MVB12B: variants seen among roughly 807,000 people sequenced by gnomAD.
The protein encoded by MVB12B is multivesicular body subunit 12B.
In MVB12B, 16 loss-of-function variants were observed where a neutral mutation model predicts 41.6. The observed-to-expected ratio is 0.38, with a 90% confidence interval of 0.26 to 0.58. The LOEUF (loss-of-function observed/expected upper bound fraction) is 0.58, where lower values mean the gene tolerates loss of function less well. Ranked by LOEUF, MVB12B falls within the 20% of genes least tolerant of loss-of-function variation. The probability of loss-of-function intolerance (pLI) is 0.62; values close to 1 mark genes in which losing one functional copy is unlikely to be tolerated. For missense variants in MVB12B, 274 were observed against 380.2 expected, an observed-to-expected ratio of 0.72 and a Z score of 2.32; for synonymous variants, 133 against 139.7, an observed-to-expected ratio of 0.95 and a Z score of 0.34.
intron 7 of MVB12B, among the ~76,000 whole-genome samples, chr9:126,443,103 T>A (rs192325151): frequency 6.0e-4 from 92 of 152,336 alleles, no homozygotes; most frequent in Admixed American, 3.9e-3. Context: ...CAAGAGTTTG[T>A]GTCCTCCTGG....
At chr9:126,426,785 G>C (rs1832190933) in intron 7 of MVB12B, 1 of 152,212 alleles carries the variant, frequency 6.6e-6, no homozygotes, top group South Asian at 2.1e-4. Flanking sequence ...GAGGCAGAGG[G>C]CTGTCCTTTA....
chr9:126,391,089 G>A lies in MVB12B; in HGVS notation c.410-977G>A, dbSNP rs190030760. Among the ~76,000 whole-genome samples, 23 of 152,314 alleles carry A rather than the reference G, an allele frequency of 1.5e-4. No homozygotes were observed. The highest frequency in any genetic ancestry group is 2.6e-4 in the Non-Finnish European group (18 of 68,020). On this transcript the variant is annotated intron_variant, in intron 4 of 9. Transcript: ENST00000361171. This position sits in a 1 kb window ranked among gnomAD's most constrained non-coding sequence, Gnocchi z 4.4. ...CAGAGGATGGCAGTTGGGGAACTGT[G>A]TGACCGAGGTCCTGGGCCGACGCCA... is the stretch of plus-strand genomic sequence containing the variant.
chr9:126,490,339 C>A (rs910103141), intron 9 of MVB12B, among the ~76,000 whole-genome samples: 1 of 152,212 alleles, frequency 6.6e-6, no homozygotes, highest in Non-Finnish European at 1.5e-5. Flanking sequence ...CAGGAGGCAG[C>A]AGCCTTGGGT....
chr9:126,410,685 A>T (rs1831619797), intron 6 of MVB12B, among the ~76,000 whole-genome samples: 1 of 151,998 alleles, frequency 6.6e-6, no homozygotes, highest in African/African-American at 2.4e-5. Flanking sequence ...TCCGTTGCCC[A>T]TCCTTGGCTT....
chr9:126,495,818 A>G (rs1482503206), intron 9 of MVB12B, among the ~76,000 whole-genome samples: 2 of 152,210 alleles, frequency 1.3e-5, no homozygotes, highest in Non-Finnish European at 2.9e-5. Flanking sequence ...GTTTATGACT[A>G]TTGTGAAACA....
intron 3 of MVB12B, among the ~76,000 whole-genome samples, chr9:126,383,076 G>A (rs1426084911): frequency 6.6e-5 from 10 of 152,174 alleles, no homozygotes; most frequent in Admixed American, 3.9e-4. Context: ...CCAAACGATC[G>A]AGTACCAGCA....
intron 7 of MVB12B, among the ~76,000 whole-genome samples, chr9:126,426,134 G>T (rs1374355303): frequency 6.6e-6 from 1 of 152,188 alleles, no homozygotes; most frequent in African/African-American, 2.4e-5. Flanking sequence ...GGCAGAGTTA[G>T]GTGTGTGCAG....
At chr9:126,501,014 G>A (rs910621240) in intron 9 of MVB12B, among the ~76,000 whole-genome samples, 4 of 152,252 alleles carry the variant, frequency 2.6e-5, no homozygotes, top group Non-Finnish European at 5.9e-5. Context: ...GCCAGCCAGG[G>A]AATGAATTTG....
At chr9:126,444,629 T>C (rs1415805970) in intron 7 of MVB12B, among the ~76,000 whole-genome samples, 1 of 152,232 alleles carries the variant, frequency 6.6e-6, no homozygotes, top group Non-Finnish European at 1.5e-5. Flanking sequence ...CTTTGTACTT[T>C]CATTTCATGT....
chr9:126,327,710 C>T (rs1017174093), intron 1 of MVB12B, among the ~76,000 whole-genome samples: 1 of 152,172 alleles, frequency 6.6e-6, no homozygotes, highest in African/African-American at 2.4e-5. Flanking sequence ...GACCCAAGAG[C>T]ATCTTTTGTC....
chr9:126,334,693 G>A (rs1829227308), intron 1 of MVB12B, among the ~76,000 whole-genome samples: 1 of 152,162 alleles, frequency 6.6e-6, no homozygotes, highest in Non-Finnish European at 1.5e-5. Context: ...GCACCACCCA[G>A]CAAAACCTGA....
intron 3 of MVB12B, among the ~76,000 whole-genome samples, chr9:126,385,210 T>C (rs760943179): frequency 5.9e-5 from 9 of 152,108 alleles, no homozygotes; most frequent in Non-Finnish European, 1.3e-4. Flanking sequence ...CAGCAAGTAG[T>C]TACTGAGCAC....
intron 1 of MVB12B, among the ~76,000 whole-genome samples, chr9:126,329,463 A>T (rs1829068136): frequency 6.6e-6 from 1 of 152,126 alleles, no homozygotes; most frequent in Admixed American, 6.5e-5. Flanking sequence ...AGAATACAAG[A>T]ATATCCTGTG....
intron 7 of MVB12B, among the ~76,000 whole-genome samples, chr9:126,446,109 G>A (rs1057503672): frequency 6.6e-6 from 1 of 151,766 alleles, no homozygotes; most frequent in African/African-American, 2.4e-5. Flanking sequence ...GGGCTTGATT[G>A]TATTAAAGGA....
intron 6 of MVB12B, chr9:126,408,130 A>G (rs1342154260): frequency 6.6e-6 from 1 of 152,252 alleles, no homozygotes. Context: ...TAGTGGAAAC[A>G]GTATTTAAGG....
At chr9:126,388,369 C>T (rs10819154) in intron 4 of MVB12B, among the ~76,000 whole-genome samples, 48,281 of 151,770 alleles carry the variant, frequency 0.32, 7,856 homozygotes, top group South Asian at 0.42. Flanking sequence ...TAGATCATTA[C>T]TTCATTCCTT....
chr9:126,443,308 A>T (rs747904493), intron 7 of MVB12B, among the ~76,000 whole-genome samples: 1 of 152,092 alleles, frequency 6.6e-6, no homozygotes, highest in Non-Finnish European at 1.5e-5. Flanking sequence ...CCTTCCACCA[A>T]TCATTGAGGG....
intron 2 of MVB12B, among the ~76,000 whole-genome samples, chr9:126,379,535 T>C (rs1188590236): frequency 1.3e-5 from 2 of 152,208 alleles, no homozygotes; most frequent in Non-Finnish European, 2.9e-5. Context: ...GGGGGTGACA[T>C]ACTTGGAGCA....
chr9:126,454,231 G>C (rs1286613893), intron 7 of MVB12B, among the ~76,000 whole-genome samples: 1 of 152,238 alleles, frequency 6.6e-6, no homozygotes, highest in African/African-American at 2.4e-5. Context: ...AAGTTTGGCT[G>C]TTAAAATGTG....
Sources: gnomAD v4.1 joint callset for allele counts (sites outside exome capture counted in the v4.1 genomes callset) on GRCh38, gnomAD v4.1.1 for gene constraint, Gnocchi (gnomAD v3.1) non-coding constraint, MANE v1.5 for transcripts, NCBI Gene and HGNC (gene_info 2026-07-23, HGNC 2026-07-21) for gene names.